ACAA2: variants seen among roughly 807,000 people sequenced by gnomAD.
ACAA2 encodes the protein acetyl-CoA acyltransferase 2.
In ACAA2, 35 loss-of-function variants were observed where a neutral mutation model predicts 44.8. The observed-to-expected ratio is 0.78, with a 90% confidence interval of 0.60 to 1.04. The LOEUF is 1.04. Ranked by LOEUF, ACAA2 falls within the 50% of genes least tolerant of loss-of-function variation. ACAA2 has a pLI of 0.00. For synonymous variants in ACAA2, 142 were observed against 166.5 expected (o/e 0.85, Z 1.13); for missense variants, 468 against 482.6 (o/e 0.97, Z 0.28).
chr18:49,792,619 T>C (rs906913224), intron 5 of ACAA2, among the ~76,000 whole-genome samples: 1 of 152,142 alleles, frequency 6.6e-6, no homozygotes. Context: ...TAATTTTTTT[T>C]ATATTTTTAG....
At chr18:49,792,982 T>G (rs1004006620) in intron 5 of ACAA2, among the ~76,000 whole-genome samples, 10 of 152,214 alleles carry the variant, frequency 6.6e-5, no homozygotes, top group African/African-American at 2.4e-4. Context: ...TAACCACAAT[T>G]TTTTTTCACC....
At chr18:49,787,188 T>C (rs1353233811) in intron 8 of ACAA2, 103 bp downstream of exon 8, 2 of 924,042 alleles carry the variant, frequency 2.2e-6, no homozygotes, top group Non-Finnish European at 3.0e-6. Context: ...CTAACTACAA[T>C]GAAATTCAAA....
chr18:49,795,117 C>T (rs2023450392), intron 4 of ACAA2, among the ~76,000 whole-genome samples: 1 of 152,126 alleles, frequency 6.6e-6, no homozygotes, highest in Non-Finnish European at 1.5e-5. Context: ...TCCAAAAAGG[C>T]CAGGTGAGAA....
intron 5 of ACAA2, among the ~76,000 whole-genome samples, chr18:49,792,889 G>A (rs1199660993): frequency 2.0e-5 from 3 of 152,142 alleles, no homozygotes; most frequent in East Asian, 1.9e-4. Flanking sequence ...CTTCCGTATT[G>A]GAGGATTTAC....
At chr18:49,797,064 C>G (rs551658868) in intron 3 of ACAA2, among the ~76,000 whole-genome samples, 1 of 152,038 alleles carries the variant, frequency 6.6e-6, no homozygotes, top group Non-Finnish European at 1.5e-5. Context: ...ATTACCATCA[C>G]CCATCTCCAG....
chr18:49,812,820 CACCTCAATGTTCTTCGACTCGT>C (rs1379571000), intron 1 of ACAA2: 13 of 152,230 alleles, frequency 8.5e-5, no homozygotes, highest in Non-Finnish European at 1.5e-4. Context: ...ATATGTATTC[CACCTCAATGTTCTTCGACTCGT>C]ACATCCTTAA....
chr18:49,784,739 G>A (rs572068586), intron 9 of ACAA2, among the ~76,000 whole-genome samples: 1 of 152,184 alleles, frequency 6.6e-6, no homozygotes, highest in Non-Finnish European at 1.5e-5. Flanking sequence ...GGTTCCTCCT[G>A]GAACCCTGCA....
rs966481286 is a variant in ACAA2 at position 49,782,480 on chromosome 18, C to T, written c.*1367G>A. ...TTTAACATCTAGTATTATTTAACAT[C>T]TATTATTCAGTGAGCCATGACTGTG... On this transcript the variant is annotated 3_prime_UTR_variant, in exon 10 of 10. Transcript: ENST00000285093. The T allele has an allele frequency of 6.8e-6, 1 of 147,192 alleles. No individual in the cohort carries two copies. Among genetic ancestry groups the T allele is most frequent in the Non-Finnish European group, 1.5e-5 (1 of 67,276 alleles). 9.1% of individuals were successfully genotyped at this position (147,192 alleles called of 1,614,324 possible). A position where few individuals can be genotyped will look rare whatever the true frequency, so the allele number is the denominator to read the frequency against.
chr18:49,799,523 A>G (rs1231883234), intron 2 of ACAA2, among the ~76,000 whole-genome samples: 1 of 152,142 alleles, frequency 6.6e-6, no homozygotes, highest in Non-Finnish European at 1.5e-5. Flanking sequence ...AGTGCTCAAT[A>G]GTGCCCAGGC....
Position 49,782,300 on chromosome 18 carries a change from T to C in ACAA2, c.*1547A>G, listed in dbSNP as rs960290356. ...AAAAGCTGGACTTGCCTGTTGCCAC[T>C]AGTCCATTATCCCAAACCGTGGGTA... On this transcript the variant is annotated 3_prime_UTR_variant, in exon 10 of 10. Coordinates refer to ENST00000285093, the MANE Select transcript of ACAA2 (RefSeq NM_006111.3). 7 of 152,194 alleles carry C rather than the reference T, an allele frequency of 4.6e-5. No homozygotes were observed. Among genetic ancestry groups the C allele is most frequent in the Admixed American group, 1.3e-4 (2 of 15,280 alleles). The allele number at this position is 152,194 out of a possible 1,614,324, so 9.4% of individuals were successfully genotyped here.
At chr18:49,793,972 C>T (rs773466768) in intron 5 of ACAA2, among the ~76,000 whole-genome samples, 6 of 152,306 alleles carry the variant, frequency 3.9e-5, no homozygotes, top group South Asian at 2.1e-4. Flanking sequence ...TCTGACAGAA[C>T]GTATCGTATT....
rs755196433 is a variant in ACAA2 at position 49,802,494 on chromosome 18, G to A, written c.183+193C>T. Among the ~76,000 whole-genome samples the A allele has an allele frequency of 4.0e-5, 6 of 148,932 alleles. No homozygotes were observed. In the East Asian group the frequency reaches 5.8e-4, roughly 15 times the overall value. ...GGAGAATTGCTTGAACCCGGGAGGC[G>A]GAAGTTGCAGCGAGCCAAGATCGCA... On this transcript the variant is annotated intron_variant, in intron 2 of 9. Coordinates refer to ENST00000285093, the MANE Select transcript of ACAA2 (RefSeq NM_006111.3).
chr18:49,791,710 G>A, intron 6 of ACAA2, 111 bp from the exon 7 acceptor site: 3 of 1,088,764 alleles, frequency 2.8e-6, no homozygotes, highest in Non-Finnish European at 3.9e-6. Flanking sequence ...GGAAGCCAGT[G>A]CACAGTGTGA....
In ACAA2 at chr18:49,797,454, T is replaced by C; in HGVS notation, c.312+12A>G. 2 of 1,590,546 alleles carry C rather than the reference T, an allele frequency of 1.3e-6. No individual in the cohort carries two copies. The highest frequency in any genetic ancestry group is 1.7e-6 in the Non-Finnish European group (2 of 1,173,916). Reference sequence around the variant, plus strand: ...CATATTTTCAGAGAATTTAAAAAAATGTTGTCCATACCTGACATCCATTCA... The same window carrying C: ...CATATTTTCAGAGAATTTAAAAAAACGTTGTCCATACCTGACATCCATTCA... On this transcript the variant is annotated intron_variant, in intron 3 of 9. Coordinates refer to ENST00000285093, the MANE Select transcript of ACAA2 (RefSeq NM_006111.3).
Position 49,801,422 on chromosome 18 carries a change from C to T in ACAA2, c.183+1265G>A, listed in dbSNP as rs143064299. On this transcript the variant is annotated intron_variant, in intron 2 of 9. Coordinates refer to ENST00000285093, the MANE Select transcript of ACAA2 (RefSeq NM_006111.3). ...ATTTTTCCTTCAAAATTCTAGAAAACGCAAAAAACGGAAGTATCCAATTTC... is the reference window on the plus strand; with the variant it reads ...ATTTTTCCTTCAAAATTCTAGAAAATGCAAAAAACGGAAGTATCCAATTTC... 9.1e-3 allele frequency among the ~76,000 whole-genome samples: 1,388 copies of T among 152,082 alleles called. 37 individuals carry two copies. In the South Asian group the frequency reaches 0.12, roughly 13 times the overall value.
At chr18:49,790,954 G>C (rs1598792775) in intron 7 of ACAA2, among the ~76,000 whole-genome samples, 3 of 152,300 alleles carry the variant, frequency 2.0e-5, no homozygotes, top group Admixed American at 2.0e-4. Context: ...GTCACTTACT[G>C]ATTTGGAACC....
At chr18:49,795,695 A>G in intron 4 of ACAA2, 70 bp downstream of exon 4, 1 of 873,304 alleles carries the variant, frequency 1.1e-6, no homozygotes, top group Non-Finnish European at 1.7e-6. Flanking sequence ...TCCCATAAAA[A>G]GGTATGTTAT....
At chr18:49,786,482 G>T (rs1224253189) in intron 8 of ACAA2, 2 of 152,218 alleles carry the variant, frequency 1.3e-5, no homozygotes, top group Admixed American at 6.5e-5. Context: ...TCTGCTAAAA[G>T]TGGAAGAGAT....
intron 7 of ACAA2, among the ~76,000 whole-genome samples, chr18:49,789,776 T>TAGTTTGAGATCAGC (rs2023376822): frequency 6.6e-6 from 1 of 151,158 alleles, no homozygotes; most frequent in Non-Finnish European, 1.5e-5. Context: ...CTGAGGTCAG[T>TAGTTTGAGATCAGC]AGTTTGAGAT....
Sources: allele counts gnomAD v4.1 joint callset (sites outside exome capture counted in the v4.1 genomes callset), GRCh38; gene constraint gnomAD v4.1.1; transcripts MANE v1.5; gene names NCBI Gene and HGNC (gene_info 2026-07-23, HGNC 2026-07-21).